The following WWOX variants were observed in gnomAD, a reference collection of about 807,000 sequenced individuals.
The protein encoded by WWOX is WW domain containing oxidoreductase, also known as WW domain-containing oxidoreductase.
In WWOX, 69 loss-of-function variants were observed where a neutral mutation model predicts 46.2. The observed-to-expected ratio is 1.49, with a 90% CI of 1.23 to 1.82. WWOX has a LOEUF of 1.82. Among genes scored for constraint, WWOX ranks in the 40% most tolerant of loss-of-function variants. The probability of loss-of-function intolerance (pLI) is 0.00; values close to 1 mark genes in which losing one functional copy is unlikely to be tolerated. For synonymous variants in WWOX, 359 were observed against 202.6 expected (o/e 1.77, Z -6.56); for missense variants, 919 against 542.6 (o/e 1.69, Z -6.89).
intron 5 of WWOX, among the ~76,000 whole-genome samples, chr16:78,326,978 TC>T (rs2080637964): frequency 6.6e-6 from 1 of 152,092 alleles, no homozygotes; most frequent in African/African-American, 2.4e-5. Context: ...TTTCTGAAGT[TC>T]CCCAGAGGCT....
At chr16:79,035,659 C>T (rs922328459) in intron 8 of WWOX, among the ~76,000 whole-genome samples, 3 of 152,204 alleles carry the variant, frequency 2.0e-5, no homozygotes, top group African/African-American at 7.2e-5. Flanking sequence ...CTGCCTCAGC[C>T]TCCCAAGTAG....
chr16:78,456,421 A>G (rs1033764403), intron 8 of WWOX, among the ~76,000 whole-genome samples: 1 of 152,088 alleles, frequency 6.6e-6, no homozygotes, highest in Non-Finnish European at 1.5e-5. Context: ...GTGTGCATAA[A>G]CAAAGCAATA....
intron 8 of WWOX, among the ~76,000 whole-genome samples, chr16:79,123,560 A>G (rs2049685167): frequency 1.3e-5 from 2 of 152,124 alleles, no homozygotes. Context: ...TGTAAGGATT[A>G]AGGACGTTGA....
chr16:78,210,749 A>C (rs1413555175), intron 5 of WWOX, among the ~76,000 whole-genome samples: 1 of 152,182 alleles, frequency 6.6e-6, no homozygotes, highest in African/African-American at 2.4e-5. Flanking sequence ...GCCAAGTGGC[A>C]TTTCATCATC....
intron 8 of WWOX, among the ~76,000 whole-genome samples, chr16:78,789,442 A>C (rs192060368): frequency 3.9e-5 from 6 of 152,222 alleles, no homozygotes; most frequent in African/African-American, 1.4e-4. Context: ...CACCCTTATC[A>C]GAGATCAATT....
At chr16:79,058,605 TG>T (rs2048307602) in intron 8 of WWOX, among the ~76,000 whole-genome samples, 1 of 152,194 alleles carries the variant, frequency 6.6e-6, no homozygotes, top group African/African-American at 2.4e-5. Flanking sequence ...TTGACCTTTA[TG>T]AAGCTGGCCT....
chr16:78,940,947 C>T (rs1220612880), intron 8 of WWOX, among the ~76,000 whole-genome samples: 1 of 151,898 alleles, frequency 6.6e-6, no homozygotes, highest in South Asian at 2.1e-4. Context: ...TTCTGCCCCC[C>T]CACCCCATCC....
chr16:78,915,867 C>T lies in WWOX; in HGVS notation c.1057-295741C>T, dbSNP rs190965354. ...CACCACAGCTTTATAACAGGAAGAA[C>T]GCTCAAAGAAGAAAAATAGAAGAAG... On this transcript the variant is annotated intron_variant, in intron 8 of 8. Coordinates refer to ENST00000566780, the MANE Select transcript of WWOX (RefSeq NM_016373.4). Among the ~76,000 whole-genome samples the T allele has an allele frequency of 3.1e-3, 466 of 152,270 alleles. 2 individuals carry two copies. The highest frequency in any genetic ancestry group is 0.011 in the African/African-American group (445 of 41,550).
intron 4 of WWOX, among the ~76,000 whole-genome samples, chr16:78,147,506 T>C (rs2151715668): frequency 6.6e-6 from 1 of 152,286 alleles, no homozygotes; most frequent in South Asian, 2.1e-4. Context: ...ACTTTAAAAG[T>C]GAGCCTCAAA....
chr16:78,809,130 C>T (rs2051121482), intron 8 of WWOX, among the ~76,000 whole-genome samples: 1 of 151,788 alleles, frequency 6.6e-6, no homozygotes, highest in South Asian at 2.1e-4. Flanking sequence ...TCTGTTCTCC[C>T]CCTGCACCCT....
At chr16:79,110,001 G>C (rs1014414003) in intron 8 of WWOX, among the ~76,000 whole-genome samples, 1 of 152,134 alleles carries the variant, frequency 6.6e-6, no homozygotes, top group South Asian at 2.1e-4. Context: ...CCGTTATGTC[G>C]CAAGGGCTTT....
chr16:78,638,220 C>G (rs1046772544), intron 8 of WWOX, among the ~76,000 whole-genome samples: 35 of 152,190 alleles, frequency 2.3e-4, no homozygotes, highest in African/African-American at 8.2e-4. Context: ...ATTTTGCAGA[C>G]AAGCCAACGA....
At chr16:79,000,355 A>ATGGCAGATGGGGAATTAAGG (rs1354449609) in intron 8 of WWOX, among the ~76,000 whole-genome samples, 1 of 152,130 alleles carries the variant, frequency 6.6e-6, no homozygotes, top group African/African-American at 2.4e-5. Flanking sequence ...GGGAGGTTAC[A>ATGGCAGATGGGGAATTAAGG]TGGCAGATGG....
intron 8 of WWOX, among the ~76,000 whole-genome samples, chr16:79,007,366 C>T (rs938778300): frequency 3.3e-5 from 5 of 152,116 alleles, no homozygotes; most frequent in Admixed American, 6.6e-5. Context: ...GAAAGGTGTT[C>T]CAGGCAAAAG....
chr16:78,391,268 CTTG>C (rs1006272597), intron 6 of WWOX, among the ~76,000 whole-genome samples: 3 of 152,284 alleles, frequency 2.0e-5, no homozygotes, highest in Admixed American at 6.5e-5. Context: ...TGCTAGGCAA[CTTG>C]TTGTTTGTTT....
At chr16:79,078,178 G>A (rs1234136010) in intron 8 of WWOX, 1 of 152,210 alleles carries the variant, frequency 6.6e-6, no homozygotes, top group Non-Finnish European at 1.5e-5. Context: ...ATAATGTGAA[G>A]AGAGGTCATT....
chr16:78,884,426 T>C (rs1025699689), intron 8 of WWOX, among the ~76,000 whole-genome samples: 2 of 151,966 alleles, frequency 1.3e-5, no homozygotes, highest in African/African-American at 4.8e-5. Flanking sequence ...ACTCAAGACA[T>C]CTGGTAAACC....
chr16:78,620,705 T>C (rs924679410), intron 8 of WWOX, among the ~76,000 whole-genome samples: 4 of 152,186 alleles, frequency 2.6e-5, no homozygotes, highest in African/African-American at 9.7e-5. Flanking sequence ...TTTTTTTCCT[T>C]TTTGCACAGC....
intron 8 of WWOX, among the ~76,000 whole-genome samples, chr16:78,611,450 A>C (rs948254650): frequency 6.6e-6 from 1 of 152,142 alleles, no homozygotes; most frequent in African/African-American, 2.4e-5. Context: ...TATTGTGTGA[A>C]ATGAGCCTGG....
Sources: allele counts gnomAD v4.1 joint callset (sites outside exome capture counted in the v4.1 genomes callset), GRCh38; gene constraint gnomAD v4.1.1; transcripts MANE v1.5; gene names NCBI Gene and HGNC (gene_info 2026-07-23, HGNC 2026-07-21).